TEAD1: variants seen among roughly 807,000 people sequenced by gnomAD.
The protein encoded by TEAD1 is transcriptional enhancer factor TEF-1.
TEAD1 carries 9 observed loss-of-function variants against 54.9 expected under a neutral mutation model. The observed-to-expected ratio is 0.16, with a 90% CI of 0.10 to 0.29. The LOEUF is 0.29. Ranked by LOEUF, TEAD1 falls within the 10% of genes least tolerant of loss-of-function variation. The pLI is 1.00. For synonymous variants in TEAD1, 200 were observed against 187.8 expected, an observed-to-expected ratio of 1.07 and a Z score of -0.53; for missense variants, 387 against 535.9, an observed-to-expected ratio of 0.72 and a Z score of 2.74.
In TEAD1 at chr11:12,736,134, A is replaced by G. The variant is rs564866212; in HGVS notation, c.-54-28045A>G. 6.6e-5 allele frequency among the ~76,000 whole-genome samples: 10 copies of G among 152,356 alleles called. No homozygotes were observed. The South Asian group carries it at 1.4e-3, about 22-fold the overall frequency. ...GTGACAATTGTTTACTCTGGCAAGT[A>G]GTTTGCCTCTTGGATTCCTCTCTGT... On this transcript the variant is annotated intron_variant, in intron 2 of 12. Transcript: ENST00000527636.
intron 3 of TEAD1, among the ~76,000 whole-genome samples, chr11:12,820,231 A>G (rs1590182989): frequency 1.3e-5 from 2 of 152,042 alleles, no homozygotes; most frequent in Non-Finnish European, 2.9e-5. Flanking sequence ...CCATACAGTA[A>G]TTTTTTTCAA....
At chr11:12,796,943 C>G (rs1321666198) in intron 3 of TEAD1, among the ~76,000 whole-genome samples, 1 of 151,982 alleles carries the variant, frequency 6.6e-6, no homozygotes, top group Non-Finnish European at 1.5e-5. Flanking sequence ...AACCCCATCT[C>G]TACTAAAAAA....
intron 10 of TEAD1, chr11:12,904,788 G>T: frequency 3.6e-6 from 1 of 276,284 alleles, no homozygotes; most frequent in Non-Finnish European, 7.5e-6. Context: ...TAAGCAAAAG[G>T]TCTTTGAGGT....
At chr11:12,802,180 AG>A in intron 3 of TEAD1, among the ~76,000 whole-genome samples, 1 of 152,210 alleles carries the variant, frequency 6.6e-6, no homozygotes, top group African/African-American at 2.4e-5. Context: ...GCACCTACTT[AG>A]CCTCTAAGAT....
At chr11:12,762,826 A>G (rs1945128607) in intron 2 of TEAD1, among the ~76,000 whole-genome samples, 1 of 152,172 alleles carries the variant, frequency 6.6e-6, no homozygotes, top group Non-Finnish European at 1.5e-5. Flanking sequence ...GGAGGAAGAC[A>G]GGGTGCTTGC....
chr11:12,783,519 C>T (rs539444243), intron 3 of TEAD1, among the ~76,000 whole-genome samples: 54 of 152,194 alleles, frequency 3.5e-4, no homozygotes, highest in African/African-American at 1.3e-3. Context: ...AAGGATATAC[C>T]TGTGGAGGGA....
chr11:12,904,038 A>G (rs951539968), intron 10 of TEAD1, among the ~76,000 whole-genome samples: 1 of 152,188 alleles, frequency 6.6e-6, no homozygotes, highest in Non-Finnish European at 1.5e-5. Flanking sequence ...CCTTGATATC[A>G]TTTTAATGGG....
chr11:12,884,720 A>G (rs1057028001), intron 9 of TEAD1, among the ~76,000 whole-genome samples: 4 of 152,312 alleles, frequency 2.6e-5, no homozygotes, highest in Admixed American at 2.0e-4. Flanking sequence ...CAGGACAGGT[A>G]CAAGAAAATG....
intron 3 of TEAD1, among the ~76,000 whole-genome samples, chr11:12,837,606 G>A (rs780136825): frequency 2.6e-5 from 4 of 151,990 alleles, no homozygotes; most frequent in Non-Finnish European, 4.4e-5. Flanking sequence ...TTCTCATTGT[G>A]TCCTCACACG....
intron 3 of TEAD1, chr11:12,850,993 A>T (rs1359278360): frequency 2.3e-6 from 2 of 871,508 alleles, no homozygotes; most frequent in Non-Finnish European, 2.8e-6. Context: ...CTTTAAAAGG[A>T]TTTACAGATT....
intron 3 of TEAD1, among the ~76,000 whole-genome samples, chr11:12,788,061 C>A (rs898743617): frequency 1.0e-4 from 15 of 150,536 alleles, no homozygotes; most frequent in African/African-American, 3.7e-4. Flanking sequence ...CTCCAGAGTT[C>A]GGGTGATTTT....
chr11:12,819,490 C>G (rs947352413), intron 3 of TEAD1, among the ~76,000 whole-genome samples: 2 of 152,086 alleles, frequency 1.3e-5, no homozygotes, highest in Non-Finnish European at 2.9e-5. Flanking sequence ...CGCTCTGTCA[C>G]CCAGGCTGGA....
At chr11:12,816,175 A>G (rs1946410529) in intron 3 of TEAD1, among the ~76,000 whole-genome samples, 2 of 152,026 alleles carry the variant, frequency 1.3e-5, no homozygotes, top group East Asian at 1.9e-4. Context: ...GTGGCTTTTT[A>G]TCAATCCGAT....
intron 3 of TEAD1, among the ~76,000 whole-genome samples, chr11:12,861,289 ACTT>A (rs1947495471): frequency 1.3e-5 from 2 of 152,204 alleles, no homozygotes; most frequent in South Asian, 2.1e-4. Flanking sequence ...GTTGTCTGAG[ACTT>A]CTCAGTTTCC....
chr11:12,822,635 G>A (rs1946575972), intron 3 of TEAD1: 2 of 152,384 alleles, frequency 1.3e-5, no homozygotes, highest in African/African-American at 4.8e-5. Context: ...GCTGGAGGCT[G>A]GGAGGTGTCC....
chr11:12,740,373 G>A (rs746383309), intron 2 of TEAD1, among the ~76,000 whole-genome samples: 3 of 152,206 alleles, frequency 2.0e-5, no homozygotes, highest in African/African-American at 4.8e-5. Context: ...TATTGCTAGT[G>A]TAATGTTTGA....
intron 12 of TEAD1, 125 bp from the exon 13 acceptor site, chr11:12,936,984 T>C: frequency 1.5e-6 from 1 of 685,124 alleles, no homozygotes; most frequent in South Asian, 1.6e-5. Context: ...GGACACAGAG[T>C]GAGGCTGAGC....
chr11:12,823,196 A>G (rs1946587025), intron 3 of TEAD1, among the ~76,000 whole-genome samples: 1 of 152,238 alleles, frequency 6.6e-6, no homozygotes, highest in Admixed American at 6.5e-5. Flanking sequence ...TATAATGACA[A>G]ATTAGACCTT....
intron 3 of TEAD1, among the ~76,000 whole-genome samples, chr11:12,831,329 T>C (rs1344800037): frequency 2.0e-5 from 3 of 152,180 alleles, no homozygotes; most frequent in Admixed American, 1.3e-4. Context: ...GGCTTTCTTC[T>C]TTCCCTGAAT....
Sources: gnomAD v4.1 joint callset for allele counts (sites outside exome capture counted in the v4.1 genomes callset) on GRCh38, gnomAD v4.1.1 for gene constraint, MANE v1.5 for transcripts, NCBI Gene and HGNC (gene_info 2026-07-23, HGNC 2026-07-21) for gene names.